Variants in CACNA1G observed in about 807,000 individuals in gnomAD.
CACNA1G encodes calcium voltage-gated channel subunit alpha1 G.
Under a neutral mutation model 219.4 loss-of-function variants are expected in CACNA1G, and 67 were observed. That is an observed-to-expected ratio of 0.31 (90% CI 0.25 to 0.37). The LOEUF is 0.37. Ranked by LOEUF, CACNA1G falls within the 10% of genes least tolerant of loss-of-function variation. CACNA1G has a pLI of 1.00. For synonymous variants in CACNA1G, 1,296 were observed against 1,345.3 expected, an observed-to-expected ratio of 0.96 and a Z score of 0.80; for missense variants, 2,380 against 3,231.4, an observed-to-expected ratio of 0.74 and a Z score of 6.39.
At chr17:50,572,351 A>T (rs1432673102) in intron 5 of CACNA1G, among the ~76,000 whole-genome samples, 1 of 152,082 alleles carries the variant, frequency 6.6e-6, no homozygotes, top group African/African-American at 2.4e-5. Context: ...ACCTTCCAAC[A>T]TCCTGAGTCT....
intron 23 of CACNA1G, chr17:50,606,396 A>G (rs1018021286): frequency 1.7e-6 from 1 of 599,012 alleles, no homozygotes; most frequent in Non-Finnish European, 3.0e-6. Flanking sequence ...AATGACCTGG[A>G]GCAGCTGACT....
Position 50,618,378 on chromosome 17 carries a change from G to A in CACNA1G, c.5427+35G>A, listed in dbSNP as rs2051019535. 1 of 1,603,872 alleles carries A rather than the reference G, an allele frequency of 6.2e-7. No individual in the cohort carries two copies. The highest frequency in any genetic ancestry group is 1.1e-5 in the South Asian group (1 of 90,224). On this transcript the variant is annotated intron_variant, in intron 32 of 37. Transcript: ENST00000359106. The surrounding 1 kb of genome is among the most constrained non-coding windows in gnomAD (Gnocchi z 5.3). The stretch of plus-strand genomic sequence containing the variant: ...CAGGGTTGGCCTAGGCTCCAGGGAG[G>A]CAGCCCCACTTCCTGAGCTAGGATT...
rs1185566657 is a variant in CACNA1G at position 50,618,952 on chromosome 17, C to T, written c.5725C>T (p.Leu1909=). Residue 1909 remains leucine (L), a synonymous_variant, in exon 33 of 38, where the codon CTG becomes TTG. Coordinates refer to ENST00000359106, the MANE Select transcript of CACNA1G (RefSeq NM_018896.5). The surrounding 1 kb of genome is among the most constrained non-coding windows in gnomAD (Gnocchi z 5.3). The part of the protein sequence containing the change: ...DSPDSPKPGA[L]HPAAHARSAS... ...CCCCGACAGCCCCAAGCCTGGGGCT[C>T]TGCACCCAGCGGCCCACGCGAGATC... The T allele has an allele frequency of 6.9e-6, 11 of 1,582,926 alleles. No individual in the cohort carries two copies. Among genetic ancestry groups the T allele is most frequent in the Non-Finnish European group, 9.5e-6 (11 of 1,163,316 alleles).
At chr17:50,572,241 T>C (rs2039603971) in intron 5 of CACNA1G, among the ~76,000 whole-genome samples, 2 of 152,192 alleles carry the variant, frequency 1.3e-5, no homozygotes, top group Admixed American at 6.5e-5. Context: ...GAGATTCTGA[T>C]TTCATTGCTC....
chr17:50,606,155 G>C (rs757932340), intron 23 of CACNA1G, 132 bp downstream of exon 23: 2 of 1,280,264 alleles, frequency 1.6e-6, no homozygotes, highest in Non-Finnish European at 2.3e-6. Context: ...ACCCTCTGCT[G>C]TCTAACCACC....
intron 25 of CACNA1G, among the ~76,000 whole-genome samples, chr17:50,609,149 C>T (rs538245958): frequency 2.0e-5 from 3 of 152,308 alleles, no homozygotes; most frequent in African/African-American, 7.2e-5. Context: ...GTGCCCCTGC[C>T]TCCCCTCTGC....
chr17:50,576,619 T>A (rs2040723024), intron 8 of CACNA1G, among the ~76,000 whole-genome samples: 1 of 152,390 alleles, frequency 6.6e-6, no homozygotes. Context: ...GCAATGGCTG[T>A]GTGCCTGTCA....
rs1659916066 is a variant in CACNA1G, at chr17:50,561,982, G to A, written c.242+281G>A. ...ATCCAGGCCAGGAGAAGAGAGCTGT[G>A]CCCCGCTGGCTCGCAGCTGGACGCC... is the stretch of plus-strand genomic sequence containing the variant. On this transcript the variant is annotated intron_variant, in intron 1 of 37. Coordinates refer to ENST00000359106, the MANE Select transcript of CACNA1G (RefSeq NM_018896.5). 7.6e-6 allele frequency: 3 copies of A among 392,760 alleles called. No individual in the cohort carries two copies. In the Admixed American group the frequency reaches 1.2e-4, roughly 16 times the overall value. The allele number at this position is 392,760 out of a possible 1,614,324, so 24.3% of individuals were successfully genotyped here.
intron 9 of CACNA1G, among the ~76,000 whole-genome samples, chr17:50,588,988 A>G (rs12603112): frequency 0.44 from 67,553 of 152,028 alleles, 15,970 homozygotes; most frequent in East Asian, 0.89. Flanking sequence ...GGCCAGCGAG[A>G]CAGTGAGAAG....
Position 50,604,169 on chromosome 17 carries a change from C to T in CACNA1G, c.4184C>T (p.Ala1395Val), listed in dbSNP as rs2047442031. The T allele has an allele frequency of 6.2e-7, 1 of 1,613,358 alleles. No homozygotes were observed. The highest frequency in any genetic ancestry group is 8.5e-7 in the Non-Finnish European group (1 of 1,179,450). The change falls in exon 22 of 38, where the codon GCG (alanine) becomes GTG (valine). Residue 1395 changes from alanine (A) to valine (V), a missense_variant. By Grantham distance (64) the Ala-to-Val change is moderately conservative. This residue lies in a region of CACNA1G where 153 missense variants were observed against 374.9 expected (regional missense o/e 0.41). Transcript: ENST00000359106. Reference protein sequence around the residue: ...TLRPLRVISRAQGLKLVVETL... With the variant: ...TLRPLRVISRVQGLKLVVETL... ...CCCCTCCCCAGGGTGATCAGCCGGG[C>T]GCAGGGGCTGAAGCTGGTGGTGGAG... is the stretch of plus-strand genomic sequence containing the variant.
intron 2 of CACNA1G, 30 bp downstream of exon 2, chr17:50,569,011 T>A: frequency 6.8e-7 from 1 of 1,462,946 alleles, no homozygotes; most frequent in Non-Finnish European, 9.2e-7. Context: ...TGTGTGTGTG[T>A]GTGTTGTGTG....
chr17:50,602,515 G>A (rs1263640508), intron 19 of CACNA1G, among the ~76,000 whole-genome samples: 5 of 152,220 alleles, frequency 3.3e-5, no homozygotes, highest in Non-Finnish European at 2.9e-5. Context: ...TAGGGCTTAG[G>A]ACGTGGGACG....
rs1027328543 is a variant in CACNA1G at position 50,619,087 on chromosome 17, G to A, written c.5781+79G>A. 3.2e-5 allele frequency: 37 copies of A among 1,156,916 alleles called. No homozygotes were observed. The Admixed American group carries it at 7.3e-4, about 23-fold the overall frequency. 71.7% of individuals were successfully genotyped at this position (1,156,916 alleles called of 1,614,324 possible). A position where few individuals can be genotyped will look rare whatever the true frequency, so the allele number is the denominator to read the frequency against. Reference sequence around the variant, plus strand: ...GGAGGGTGGTGGGCGGGAGCCAAGCGGGCAGCACACAAACCCTAGGCTCCT... The same window carrying A: ...GGAGGGTGGTGGGCGGGAGCCAAGCAGGCAGCACACAAACCCTAGGCTCCT... On this transcript the variant is annotated intron_variant, in intron 33 of 37. Transcript: ENST00000359106.
At position 50,607,829 on chromosome 17, in the gene CACNA1G, C is replaced by T. The variant is rs1054177451; in HGVS notation, c.4515C>T (p.Pro1505=). The part of the protein sequence containing the change: ...GLDAVGVDQQ[P]IMNHNPWMLL... Reference sequence around the variant, plus strand: ...CTGTCCTTCCTGCTCCCCGCCAGCCCATCATGAACCACAACCCCTGGATGC... The same window carrying T: ...CTGTCCTTCCTGCTCCCCGCCAGCCTATCATGAACCACAACCCCTGGATGC... Residue 1505 remains proline (P), a splice_region_variant and synonymous_variant, in exon 25 of 38, where the codon CCC becomes CCT. Coordinates refer to ENST00000359106, the MANE Select transcript of CACNA1G (RefSeq NM_018896.5). 1.4e-5 allele frequency: 23 copies of T among 1,613,352 alleles called. No individual in the cohort carries two copies. The highest frequency in any genetic ancestry group is 2.2e-5 in the East Asian group (1 of 44,896).
At chr17:50,564,190 G>A (rs374589807) in intron 1 of CACNA1G, among the ~76,000 whole-genome samples, 29 of 149,634 alleles carry the variant, frequency 1.9e-4, no homozygotes, top group African/African-American at 7.2e-4. Context: ...AAAAGGCTCA[G>A]AAGTGCAAGC....
rs780010270 is a variant in CACNA1G, at chr17:50,624,035, C to T, written c.6189C>T (p.Pro2063=). 4 of 1,612,908 alleles carry T rather than the reference C, an allele frequency of 2.5e-6. No individual in the cohort carries two copies. In the Admixed American group the frequency reaches 6.7e-5, roughly 27 times the overall value. ...GGCATGGGAGCACTGCCGAGGGGCC[C>T]CTGGGACACAGGGGCTGGGGGCTCC... ...MCRHGSTAEG[P]LGHRGWGLPK... is the part of the protein sequence containing the mutation. Residue 2063 remains proline (P), a synonymous_variant, in exon 36 of 38, where the codon CCC becomes CCT. Transcript: ENST00000359106.
chr17:50,606,171 G>T (rs754583738), intron 23 of CACNA1G, 148 bp downstream of exon 23: 3 of 1,155,034 alleles, frequency 2.6e-6, no homozygotes, highest in Non-Finnish European at 3.9e-6. Flanking sequence ...CCACCAGCAT[G>T]TCGCAAAGCC....
At chr17:50,586,568 C>T (rs578000546) in intron 9 of CACNA1G, among the ~76,000 whole-genome samples, 1 of 152,334 alleles carries the variant, frequency 6.6e-6, no homozygotes, top group African/African-American at 2.4e-5. Context: ...GATATCGGTC[C>T]TGCCTTCTGT....
chr17:50,578,427 C>G lies in CACNA1G; in HGVS notation c.2164C>G (p.Pro722Ala). Residue 722 changes from proline to alanine, a missense_variant, in exon 9 of 38, where the codon CCC becomes GCC. Coordinates refer to ENST00000359106, the MANE Select transcript of CACNA1G (RefSeq NM_018896.5). The surrounding 1 kb of genome is among the most constrained non-coding windows in gnomAD (Gnocchi z 4.5). ...ACGGAGCCTGGGCCCAGATGCAGAG[C>G]CCAGCTCTGTGCTGGCCTTCTGGAG... The part of the protein sequence containing the change: ...RQRSLGPDAE[P>A]SSVLAFWRLI... The G allele has an allele frequency of 6.2e-7, 1 of 1,612,818 alleles. No individual in the cohort carries two copies. Among genetic ancestry groups the G allele is most frequent in the East Asian group, 2.2e-5 (1 of 44,862 alleles).
Sources: allele counts gnomAD v4.1 joint callset (sites outside exome capture counted in the v4.1 genomes callset), GRCh38; gene constraint gnomAD v4.1.1; regional missense constraint gnomAD v4.1.1; non-coding constraint Gnocchi (gnomAD v3.1); transcripts MANE v1.5; gene names NCBI Gene and HGNC (gene_info 2026-07-23, HGNC 2026-07-21).